THEMIS: variants seen among roughly 807,000 people sequenced by gnomAD.
THEMIS encodes thymocyte selection associated, also known as protein THEMIS.
In THEMIS, 37 loss-of-function variants were observed where a neutral mutation model predicts 52.6. The observed-to-expected ratio is 0.70, with a 90% CI of 0.54 to 0.93. The LOEUF (loss-of-function observed/expected upper bound fraction) is 0.93. Ranked by LOEUF, THEMIS falls within the 40% of genes least tolerant of loss-of-function variation. THEMIS has a pLI of 0.00. For synonymous variants in THEMIS, 292 were observed against 272.7 expected (o/e 1.07, Z -0.70); for missense variants, 808 against 763.1 (o/e 1.06, Z -0.69).
At chr6:127,707,133 T>TATCA (rs1296309810), downstream of THEMIS, among the ~76,000 whole-genome samples, 1 of 152,012 alleles carries the variant, frequency 6.6e-6, no homozygotes, top group African/African-American at 2.4e-5. Context: ...ACTCACTCAC[T>TATCA]ATCAGGGGAA....
At chr6:127,835,335 A>C (rs1017073879) in intron 2 of THEMIS, among the ~76,000 whole-genome samples, 6 of 152,156 alleles carry the variant, frequency 3.9e-5, no homozygotes, top group Admixed American at 2.6e-4. Context: ...ATGGCTTGAC[A>C]ATTCCTATTA....
chr6:127,730,519 G>A (rs1171629174), intron 4 of THEMIS, among the ~76,000 whole-genome samples: 1 of 150,010 alleles, frequency 6.7e-6, no homozygotes, highest in Non-Finnish European at 1.5e-5. Flanking sequence ...AGGAAGGGAG[G>A]GAGGGAAGGA....
At chr6:127,839,064 G>A (rs1778960937) in intron 2 of THEMIS, among the ~76,000 whole-genome samples, 1 of 151,894 alleles carries the variant, frequency 6.6e-6, no homozygotes, top group South Asian at 2.1e-4. Context: ...ATGTTCACTT[G>A]TTTATTCTCC....
chr6:127,862,793 T>G (rs1479247331), intron 1 of THEMIS, among the ~76,000 whole-genome samples: 1 of 152,046 alleles, frequency 6.6e-6, no homozygotes, highest in Non-Finnish European at 1.5e-5. Context: ...AGCAAATATG[T>G]GCAGTATATT....
chr6:127,723,408 C>T (rs545756168), intron 4 of THEMIS, among the ~76,000 whole-genome samples: 7 of 151,982 alleles, frequency 4.6e-5, no homozygotes, highest in Admixed American at 3.3e-4. Flanking sequence ...CTGGAGTATC[C>T]TTCTTTACCC....
At position 127,769,592 on chromosome 6, in the gene THEMIS, AT is replaced by A. The variant is rs568203226; in HGVS notation, c.1758+43290del. Among the ~76,000 whole-genome samples, 55 of 152,238 alleles carry A rather than the reference AT, an allele frequency of 3.6e-4. 1 individual carries two copies. Among genetic ancestry groups the A allele is most frequent in the Admixed American group, 1.1e-3 (17 of 15,276 alleles). Reference sequence around the variant, plus strand: ...CTTATGAAAGTTTTATTTCTGCTCCATTAGACAAAGGCCCTTAAAAATTACC... The same window carrying A: ...CTTATGAAAGTTTTATTTCTGCTCCATAGACAAAGGCCCTTAAAAATTACC... On this transcript the variant is annotated intron_variant, in intron 4 of 5. Coordinates refer to ENST00000368248, the MANE Select transcript of THEMIS (RefSeq NM_001010923.3).
chr6:127,723,137 T>C (rs897446469), intron 4 of THEMIS, among the ~76,000 whole-genome samples: 25 of 152,086 alleles, frequency 1.6e-4, no homozygotes, highest in Admixed American at 1.6e-3. Flanking sequence ...CCAAGGCTAT[T>C]TGTGGACCTC....
At chr6:127,771,969 G>A (rs1299466083) in intron 4 of THEMIS, among the ~76,000 whole-genome samples, 1 of 152,036 alleles carries the variant, frequency 6.6e-6, no homozygotes, top group African/African-American at 2.4e-5. Context: ...TTAAAAAATG[G>A]AAGACTGTAG....
intron 3 of THEMIS, among the ~76,000 whole-genome samples, chr6:127,827,467 AG>A (rs753070758): frequency 5.3e-5 from 8 of 152,256 alleles, no homozygotes; most frequent in Non-Finnish European, 7.3e-5. Context: ...ATAGCATTAA[AG>A]AATGGGAATT....
At chr6:127,706,116 G>A (rs1295840380), downstream of THEMIS, among the ~76,000 whole-genome samples, 1 of 152,044 alleles carries the variant, frequency 6.6e-6, no homozygotes, top group Non-Finnish European at 1.5e-5. Flanking sequence ...GCACATAAGA[G>A]TGGAAGTGGG....
At chr6:127,823,096 G>T (rs1280985559) in intron 3 of THEMIS, among the ~76,000 whole-genome samples, 1 of 151,920 alleles carries the variant, frequency 6.6e-6, no homozygotes, top group Admixed American at 6.6e-5. Flanking sequence ...ATCCTAACAA[G>T]GCATTAATAG....
intron 2 of THEMIS, among the ~76,000 whole-genome samples, chr6:127,832,796 T>TTTTTTTTTTTTG: frequency 7.3e-6 from 1 of 137,730 alleles, no homozygotes; most frequent in Non-Finnish European, 1.5e-5. Flanking sequence ...TTTTTTTTTT[T>TTTTTTTTTTTTG]TTTTTGAGAT....
At chr6:127,764,382 GAAACATTA>G (rs1053215028) in intron 4 of THEMIS, among the ~76,000 whole-genome samples, 1 of 151,474 alleles carries the variant, frequency 6.6e-6, no homozygotes, top group African/African-American at 2.4e-5. Context: ...TAATACTAAA[GAAACATTA>G]AAACATTAAA....
At chr6:127,836,561 A>G (rs1778879872) in intron 2 of THEMIS, among the ~76,000 whole-genome samples, 1 of 152,224 alleles carries the variant, frequency 6.6e-6, no homozygotes, top group Admixed American at 6.5e-5. Flanking sequence ...CAATGTAACC[A>G]TAAGTATTAA....
At chr6:127,712,976 G>C (rs763962284) in intron 5 of THEMIS, among the ~76,000 whole-genome samples, 4 of 151,848 alleles carry the variant, frequency 2.6e-5, no homozygotes, top group African/African-American at 4.8e-5. Context: ...AAGGAAAGCT[G>C]TTCCCTTGTC....
intron 4 of THEMIS, among the ~76,000 whole-genome samples, chr6:127,747,329 A>C (rs1775481107): frequency 1.3e-5 from 1 of 79,576 alleles, no homozygotes; most frequent in South Asian, 3.0e-4. Context: ...ATCTATATCT[A>C]TATAATATAT....
chr6:127,911,464 TTTA>T (rs986366030), intron 1 of THEMIS, among the ~76,000 whole-genome samples: 4 of 151,216 alleles, frequency 2.6e-5, no homozygotes, highest in Non-Finnish European at 5.9e-5. Context: ...GGATATATAT[TTTA>T]TACTTTAAGT....
chr6:127,762,828 G>T (rs1198766368), intron 4 of THEMIS, among the ~76,000 whole-genome samples: 3 of 151,908 alleles, frequency 2.0e-5, no homozygotes, highest in African/African-American at 7.3e-5. Flanking sequence ...TGCATTACCT[G>T]CTTTTGCTGC....
intron 1 of THEMIS, among the ~76,000 whole-genome samples, chr6:127,896,687 C>T (rs1456536972): frequency 1.3e-5 from 2 of 151,482 alleles, no homozygotes; most frequent in Non-Finnish European, 3.0e-5. Flanking sequence ...AGAACTTGTT[C>T]TAAAGCAGTA....
Sources: allele counts gnomAD v4.1 joint callset (sites outside exome capture counted in the v4.1 genomes callset), GRCh38; gene constraint gnomAD v4.1.1; transcripts MANE v1.5; gene names NCBI Gene and HGNC (gene_info 2026-07-23, HGNC 2026-07-21).